Variants in HELZ observed in about 807,000 individuals in gnomAD.
HELZ encodes helicase with zinc finger.
Under a neutral mutation model 218.2 loss-of-function variants are expected in HELZ, and 23 were observed. The ratio of observed to expected loss-of-function variants is 0.11; its 90% CI spans 0.08 to 0.15. HELZ has a LOEUF of 0.15. HELZ is among the 10% of genes least tolerant of loss of function. The pLI is 1.00. For missense variants in HELZ, 1,813 were observed against 2,353.7 expected (o/e 0.77, Z 4.75); for synonymous variants, 814 against 829.4 (o/e 0.98, Z 0.32).
intron 5 of HELZ, among the ~76,000 whole-genome samples, chr17:67,215,153 A>G (rs953732388): frequency 2.7e-5 from 4 of 148,382 alleles, no homozygotes; most frequent in South Asian, 2.1e-4. Flanking sequence ...CAGAGAGGGG[A>G]AAAAAAAAAC....
rs1364601052 is a variant in HELZ at position 67,243,991 on chromosome 17, G to A, written c.-131-152C>T. ...AGTGTGCAGCTTTGCAAATGAGTCT[G>A]GTTTTTGACCTTAAAACATTTCCTT... is the stretch of plus-strand genomic sequence containing the variant. On this transcript the variant is annotated intron_variant, in intron 1 of 32. Coordinates refer to ENST00000358691, the MANE Select transcript of HELZ (RefSeq NM_014877.4). The A allele has an allele frequency of 5.1e-6, 5 of 985,084 alleles. No homozygotes were observed. In the East Asian group the frequency reaches 4.5e-4, roughly 89 times the overall value. 61.0% of individuals were successfully genotyped at this position (985,084 alleles called of 1,614,324 possible). A position where few individuals can be genotyped will look rare whatever the true frequency, so the allele number is the denominator to read the frequency against.
intron 13 of HELZ, among the ~76,000 whole-genome samples, chr17:67,173,746 A>G (rs2039375514): frequency 6.6e-6 from 1 of 152,182 alleles, no homozygotes; most frequent in Non-Finnish European, 1.5e-5. Context: ...CAACAGAAGC[A>G]GCACCCATCT....
Position 67,107,587 on chromosome 17 carries a change from C to G in HELZ, c.4823G>C (p.Arg1608Thr), listed in dbSNP as rs748971307. The G allele has an allele frequency of 6.2e-7, 1 of 1,614,066 alleles. No homozygotes were observed. Among genetic ancestry groups the G allele is most frequent in the South Asian group, 1.1e-5 (1 of 91,078 alleles). The change falls in exon 31 of 33, where the codon AGA becomes ACA. Residue 1608 changes from arginine (R) to threonine (T), a missense_variant. This residue lies in a region of HELZ where 938 missense variants were observed against 1,027.5 expected (regional missense o/e 0.91). Transcript: ENST00000358691. The part of the protein sequence containing the change: ...PPPQSRLLQY[R>T]QVQSRSPPAV... ...TGGTGGGCTTCTACTCTGTACTTGT[C>G]TATATTGCAAAAGTCTTGATTGAGG...
intron 3 of HELZ, among the ~76,000 whole-genome samples, chr17:67,231,693 G>C (rs1047951425): frequency 6.6e-6 from 1 of 151,784 alleles, no homozygotes. Flanking sequence ...ACTGGGTAAA[G>C]AGTTTATGAG....
intron 13 of HELZ, among the ~76,000 whole-genome samples, chr17:67,174,733 G>A (rs983194313): frequency 3.9e-5 from 6 of 152,140 alleles, no homozygotes; most frequent in Non-Finnish European, 5.9e-5. Flanking sequence ...AGGAGGCGGA[G>A]GTTCTGGTGA....
intron 23 of HELZ, among the ~76,000 whole-genome samples, chr17:67,132,073 C>T (rs1361292978): frequency 6.6e-6 from 1 of 152,070 alleles, no homozygotes; most frequent in Non-Finnish European, 1.5e-5. Flanking sequence ...GTGTATTACA[C>T]TGTAATATAA....
intron 7 of HELZ, among the ~76,000 whole-genome samples, chr17:67,195,774 T>C (rs866972671): frequency 2.0e-4 from 30 of 152,046 alleles, no homozygotes; most frequent in African/African-American, 6.7e-4. Context: ...CTTCCATCCA[T>C]TTATTCACTT....
At chr17:67,195,785 T>C (rs1402035995) in intron 7 of HELZ, among the ~76,000 whole-genome samples, 1 of 151,508 alleles carries the variant, frequency 6.6e-6, no homozygotes, top group Non-Finnish European at 1.5e-5. Flanking sequence ...TTATTCACTT[T>C]ACTCTCCTCT....
intron 1 of HELZ, 197 bp downstream of exon 1, chr17:67,244,951 A>G: frequency 5.1e-6 from 5 of 985,718 alleles, no homozygotes; most frequent in Non-Finnish European, 6.0e-6. Flanking sequence ...AGCTGTAAAC[A>G]GCCCCAGCGT....
At chr17:67,237,898 G>C (rs948128755) in intron 3 of HELZ, among the ~76,000 whole-genome samples, 3 of 149,272 alleles carry the variant, frequency 2.0e-5, no homozygotes, top group Non-Finnish European at 3.0e-5. Flanking sequence ...TGAGGCAGGA[G>C]AATCACTTGA....
At chr17:67,121,758 C>T (rs1330787418) in intron 26 of HELZ, among the ~76,000 whole-genome samples, 4 of 152,072 alleles carry the variant, frequency 2.6e-5, no homozygotes, top group Admixed American at 1.3e-4. Flanking sequence ...ACAAGACGGA[C>T]GGCCTCTAAA....
rs775582103 is a variant in HELZ, at chr17:67,108,724, G to T, written c.4492C>A (p.Arg1498Ser). 7.7e-6 allele frequency: 12 copies of T among 1,561,640 alleles called. No individual in the cohort carries two copies. Among genetic ancestry groups the T allele is most frequent in the Middle Eastern group, 1.7e-4 (1 of 5,862 alleles). ...TCCAGAGCGACACTCCCATGTATAC[G>T]ATCTGCAAAAATATTTGTGAAAAAT... is the stretch of plus-strand genomic sequence containing the variant. The part of the protein sequence containing the change: ...SGLPIGEALD[R>S]IHGSVALETL... The change falls in exon 30 of 33, where the codon CGT becomes AGT. Residue 1498 changes from arginine (R) to serine (S), a missense_variant and splice_region_variant. This residue lies in a region of HELZ where 938 missense variants were observed against 1,027.5 expected (regional missense o/e 0.91). Coordinates refer to ENST00000358691, the MANE Select transcript of HELZ (RefSeq NM_014877.4). The surrounding 1 kb of genome is among the most constrained non-coding windows in gnomAD (Gnocchi z 4.1).
At chr17:67,215,082 T>C (rs1486686480) in intron 5 of HELZ, among the ~76,000 whole-genome samples, 2 of 151,972 alleles carry the variant, frequency 1.3e-5, no homozygotes, top group Admixed American at 1.3e-4. Flanking sequence ...AGGTAGAGGC[T>C]GCAGTGAGCT....
chr17:67,237,007 G>A (rs1598482497), intron 3 of HELZ, among the ~76,000 whole-genome samples: 4 of 152,158 alleles, frequency 2.6e-5, no homozygotes, highest in Admixed American at 6.5e-5. Context: ...CTATGAACCC[G>A]TGGGAGACAA....
chr17:67,182,073 A>G (rs900050615), intron 12 of HELZ, among the ~76,000 whole-genome samples: 3 of 152,190 alleles, frequency 2.0e-5, no homozygotes, highest in African/African-American at 7.2e-5. Context: ...CTCAGCACTC[A>G]GGGCAGCCTG....
intron 13 of HELZ, among the ~76,000 whole-genome samples, chr17:67,172,827 A>G (rs2039351210): frequency 6.6e-6 from 1 of 152,134 alleles, no homozygotes; most frequent in Admixed American, 6.5e-5. Context: ...GCTGGTCTCA[A>G]ACTCCTGGGC....
rs115411429 is a variant in HELZ, at chr17:67,157,441, G to T, written c.2177+2820C>A. Among the ~76,000 whole-genome samples, 257 of 152,266 alleles carry T rather than the reference G, an allele frequency of 1.7e-3. 3 individuals carry two copies. Among genetic ancestry groups the T allele is most frequent in the African/African-American group, 6.0e-3 (249 of 41,538 alleles). On this transcript the variant is annotated intron_variant, in intron 17 of 32. Transcript: ENST00000358691. ...ATTTTCTTGAAAGCATAATATTCTA[G>T]TCCCAACTTTTAAAAGATTTTAAAA...
At position 67,109,785 on chromosome 17, in the gene HELZ, T is replaced by C. The variant is rs886745632; in HGVS notation, c.3919-99A>G. 6.5e-5 allele frequency: 53 copies of C among 809,254 alleles called. No individual in the cohort carries two copies. The East Asian group carries it at 1.4e-3, about 21-fold the overall frequency. The allele number at this position is 809,254 out of a possible 1,614,324, so 50.1% of individuals were successfully genotyped here. Reference sequence around the variant, plus strand: ...TAACACATCTAAAGGATATGATACATTGATATCTTCCAGCAGGAGAGCTGA... The same window carrying C: ...TAACACATCTAAAGGATATGATACACTGATATCTTCCAGCAGGAGAGCTGA... On this transcript the variant is annotated intron_variant, in intron 28 of 32. Transcript: ENST00000358691.
chr17:67,215,415 A>AC (rs1392035403), intron 5 of HELZ, among the ~76,000 whole-genome samples: 3 of 147,456 alleles, frequency 2.0e-5, no homozygotes, highest in Non-Finnish European at 4.4e-5. Context: ...GTGCTGTGAT[A>AC]TCGGCTCACT....
Sources: allele counts gnomAD v4.1 joint callset (sites outside exome capture counted in the v4.1 genomes callset), GRCh38; gene constraint gnomAD v4.1.1; regional missense constraint gnomAD v4.1.1; non-coding constraint Gnocchi (gnomAD v3.1); transcripts MANE v1.5; gene names NCBI Gene and HGNC (gene_info 2026-07-23, HGNC 2026-07-21).